Variants in DIP2A observed in about 807,000 individuals in gnomAD.
DIP2A encodes disco-interacting protein 2 homolog A.
DIP2A carries 85 observed loss-of-function variants against 177.4 expected under a neutral mutation model. The observed-to-expected ratio is 0.48, with a 90% CI of 0.40 to 0.57. The LOEUF is 0.57. Ranked by LOEUF, DIP2A falls within the 20% of genes least tolerant of loss-of-function variation. The probability of loss-of-function intolerance (pLI) is 0.00; values close to 1 mark genes in which losing one functional copy is unlikely to be tolerated. For missense variants in DIP2A, 1,791 were observed against 2,100.2 expected (o/e 0.85, Z 2.88); for synonymous variants, 886 against 881.8 (o/e 1.00, Z -0.08).
At chr21:46,510,488 T>G (rs748452733) in intron 7 of DIP2A, among the ~76,000 whole-genome samples, 2 of 152,212 alleles carry the variant, frequency 1.3e-5, no homozygotes, top group Admixed American at 6.5e-5. Flanking sequence ...AGTTTATTGG[T>G]ATGAATGCAT....
At chr21:46,469,238 A>G (rs2055140990) in intron 1 of DIP2A, 1 of 152,244 alleles carries the variant, frequency 6.6e-6, no homozygotes, top group Admixed American at 6.5e-5. Flanking sequence ...TATTGAGTTA[A>G]TAAAAGTGAA....
At position 46,509,321 on chromosome 21, in the gene DIP2A, A is replaced by G; in HGVS notation, c.849A>G (p.Pro283=). 2 of 1,613,894 alleles carry G rather than the reference A, an allele frequency of 1.2e-6. No individual in the cohort carries two copies. The highest frequency in any genetic ancestry group is 1.7e-6 in the Non-Finnish European group (2 of 1,179,832). Residue 283 remains proline, a synonymous_variant, in exon 7 of 38, where the codon CCA becomes CCG. Transcript: ENST00000417564. ...AGCTTCTGAACACCCTGAAGAGGCC[A>G]AAGCGCCCTCCACTGAAGGAGTTCT... ...IQQLLNTLKR[P]KRPPLKEFFV...
chr21:46,542,465 G>GCCT lies in DIP2A; in HGVS notation c.2176+572_2176+574dup, dbSNP rs543083931. Among the ~76,000 whole-genome samples the GCCT allele has an allele frequency of 2.0e-5, 3 of 152,332 alleles. No homozygotes were observed. In the South Asian group the frequency reaches 6.2e-4, roughly 32 times the overall value. ...TCTAGCAAGCATGTGTTAGATAGAA[G>GCCT]CCTCATGGAAGCTTCCCAGAAATTC... On this transcript the variant is annotated intron_variant, in intron 18 of 37. Transcript: ENST00000417564.
intron 18 of DIP2A, among the ~76,000 whole-genome samples, chr21:46,542,517 C>T (rs1448372345): frequency 6.6e-6 from 1 of 152,252 alleles, no homozygotes; most frequent in African/African-American, 2.4e-5. Context: ...CCTATGTGAA[C>T]TCTTCTGCAG....
intron 18 of DIP2A, among the ~76,000 whole-genome samples, chr21:46,542,534 G>C (rs568537257): frequency 6.6e-6 from 1 of 152,358 alleles, no homozygotes; most frequent in South Asian, 2.1e-4. Flanking sequence ...GCAGAAGTTG[G>C]CTCTGTAGGC....
chr21:46,536,917 A>G (rs1166400832), intron 13 of DIP2A, among the ~76,000 whole-genome samples: 1 of 151,874 alleles, frequency 6.6e-6, no homozygotes, highest in East Asian at 1.9e-4. Flanking sequence ...AAAAAAAAAA[A>G]AGAAGAAAAG....
intron 2 of DIP2A, among the ~76,000 whole-genome samples, chr21:46,489,916 T>G (rs2056908170): frequency 6.6e-6 from 1 of 152,122 alleles, no homozygotes; most frequent in South Asian, 2.1e-4. Context: ...AGGGGACCAC[T>G]GCCCAGAGAG....
intron 1 of DIP2A, among the ~76,000 whole-genome samples, chr21:46,465,980 TAAATG>T (rs1013986736): frequency 5.3e-5 from 8 of 152,104 alleles, no homozygotes; most frequent in African/African-American, 1.7e-4. Flanking sequence ...TTCTGGAAAA[TAAATG>T]AGAGGAAATA....
chr21:46,516,384 T>G (rs1212724283), intron 8 of DIP2A, among the ~76,000 whole-genome samples: 2 of 151,930 alleles, frequency 1.3e-5, no homozygotes, highest in African/African-American at 4.8e-5. Flanking sequence ...TCCTACATTT[T>G]TAATGTTCTT....
At position 46,518,198 on chromosome 21, in the gene DIP2A, A is replaced by G. The variant is rs546275228; in HGVS notation, c.1102+6584A>G. 1.2e-4 allele frequency among the ~76,000 whole-genome samples: 19 copies of G among 152,334 alleles called. No individual in the cohort carries two copies. The South Asian group carries it at 3.7e-3, about 30-fold the overall frequency. On this transcript the variant is annotated intron_variant, in intron 8 of 37. Transcript: ENST00000417564. Reference sequence around the variant, plus strand: ...CTGTATCCAGTTTTAGCTACTAGAAACAGTGCTCCCAGGAAGATTCTGGTG... The same window carrying G: ...CTGTATCCAGTTTTAGCTACTAGAAGCAGTGCTCCCAGGAAGATTCTGGTG...
chr21:46,496,136 A>G (rs1311545585), intron 3 of DIP2A, among the ~76,000 whole-genome samples: 1 of 151,830 alleles, frequency 6.6e-6, no homozygotes, highest in African/African-American at 2.4e-5. Context: ...CCTGGCCTCA[A>G]ACGATCCTCC....
Position 46,566,654 on chromosome 21 carries a change from C to T in DIP2A, c.4434C>T (p.Val1478=), listed in dbSNP as rs1410397004. ...ACCCCATCGACATTGAGACCTCTGT[C>T]ATCCGAGCACACAGGAGCATCGCTG... The part of the protein sequence containing the change: ...RYHPIDIETS[V]IRAHRSIAEC... Residue 1478 remains valine (V), a synonymous_variant, in exon 37 of 38, where the codon GTC becomes GTT. Coordinates refer to ENST00000417564, the MANE Select transcript of DIP2A (RefSeq NM_015151.4). 2 of 1,614,224 alleles carry T rather than the reference C, an allele frequency of 1.2e-6. No individual in the cohort carries two copies. Among genetic ancestry groups the T allele is most frequent in the Admixed American group, 1.7e-5 (1 of 60,034 alleles).
At chr21:46,534,508 G>C in intron 12 of DIP2A, 77 bp from the exon 13 acceptor site, 1 of 1,375,018 alleles carries the variant, frequency 7.3e-7, no homozygotes, top group Non-Finnish European at 1.0e-6. Context: ...TTCTTTTGAA[G>C]ATTCTACCAG....
chr21:46,565,337 CTG>C (rs1401241227), intron 35 of DIP2A, among the ~76,000 whole-genome samples: 4 of 152,238 alleles, frequency 2.6e-5, no homozygotes, highest in Non-Finnish European at 5.9e-5. Flanking sequence ...GCTCTCCACT[CTG>C]TAAGAACCCT....
chr21:46,520,664 T>C (rs1041874607), intron 8 of DIP2A, among the ~76,000 whole-genome samples: 49 of 152,178 alleles, frequency 3.2e-4, no homozygotes, highest in Non-Finnish European at 1.0e-4. Flanking sequence ...AAAGCCACAA[T>C]TGACTAGGAA....
At chr21:46,468,444 C>T (rs1011949625) in intron 1 of DIP2A, among the ~76,000 whole-genome samples, 8 of 151,198 alleles carry the variant, frequency 5.3e-5, no homozygotes, top group African/African-American at 1.5e-4. Flanking sequence ...AAAATCGGCG[C>T]CAGAACAAAT....
intron 3 of DIP2A, among the ~76,000 whole-genome samples, chr21:46,495,419 C>A (rs890283632): frequency 2.6e-5 from 4 of 151,886 alleles, no homozygotes; most frequent in Non-Finnish European, 4.4e-5. Context: ...CAGGCATGCA[C>A]CACCATGCCC....
At chr21:46,555,699 C>T (rs974955668) in intron 28 of DIP2A, 23 of 444,908 alleles carry the variant, frequency 5.2e-5, no homozygotes, top group Middle Eastern at 6.4e-4. Flanking sequence ...TCTAATCTTT[C>T]CTACTGGTCA....
intron 21 of DIP2A, 66 bp downstream of exon 21, chr21:46,547,108 G>T: frequency 6.3e-7 from 1 of 1,575,848 alleles, no homozygotes. Context: ...AAGTCTTTGT[G>T]CAGTAGATGG....
Sources: allele counts gnomAD v4.1 joint callset (sites outside exome capture counted in the v4.1 genomes callset), GRCh38; gene constraint gnomAD v4.1.1; transcripts MANE v1.5; gene names NCBI Gene and HGNC (gene_info 2026-07-23, HGNC 2026-07-21).